The following KIAA2012 variants were observed in gnomAD, a reference collection of about 807,000 sequenced individuals.
The protein encoded by KIAA2012 is uncharacterized protein KIAA2012.
A neutral mutation model predicts 150.6 loss-of-function variants in KIAA2012; 125 were observed. That is an observed-to-expected ratio of 0.83 (90% CI 0.72 to 0.96). KIAA2012 has a LOEUF of 0.96. Among genes scored for constraint, KIAA2012 ranks in the 40% least tolerant of loss-of-function variants. The pLI is 0.00. For synonymous variants in KIAA2012, 462 were observed against 504.7 expected (o/e 0.92, Z 1.13); for missense variants, 1,219 against 1,354.9 (o/e 0.90, Z 1.57).
rs747472371 is a variant in KIAA2012, at chr2:202,097,583, A to AT, written c.828+9dup. On this transcript the variant is annotated splice_region_variant and intron_variant, in intron 5 of 23. Coordinates refer to ENST00000498697, the MANE Select transcript of KIAA2012 (RefSeq NM_001277372.4). ...AAGATGAAACGCAGGCAGAGGTACC[A>AT]TTTCTTTTTTTTTTTTTTTTCCCCG... is the stretch of plus-strand genomic sequence containing the variant. 2 of 1,497,282 alleles carry AT rather than the reference A, an allele frequency of 1.3e-6. No homozygotes were observed. Among genetic ancestry groups the AT allele is most frequent in the Non-Finnish European group, 8.8e-7 (1 of 1,132,266 alleles). The allele number at this position is 1,497,282 out of a possible 1,614,324, so 92.7% of individuals were successfully genotyped here.
At chr2:202,143,275 A>G (rs953229287) in intron 13 of KIAA2012, among the ~76,000 whole-genome samples, 1 of 151,700 alleles carries the variant, frequency 6.6e-6, no homozygotes, top group African/African-American at 2.4e-5. Flanking sequence ...TAGTAGAGAC[A>G]GGGTTTCACT....
chr2:202,160,500 A>G (rs989780404), intron 14 of KIAA2012, among the ~76,000 whole-genome samples: 4 of 151,936 alleles, frequency 2.6e-5, no homozygotes, highest in South Asian at 2.1e-4. Context: ...TTTTTAGTAC[A>G]GACGGGGTTT....
At chr2:202,144,704 T>C (rs941740042) in intron 13 of KIAA2012, among the ~76,000 whole-genome samples, 28 of 152,082 alleles carry the variant, frequency 1.8e-4, no homozygotes, top group African/African-American at 5.6e-4. Context: ...CAAAAATAAA[T>C]CAACAGGCCG....
chr2:202,138,345 T>G (rs1221130716), intron 12 of KIAA2012, 87 bp from the exon 13 acceptor site: 5 of 844,226 alleles, frequency 5.9e-6, no homozygotes, highest in Middle Eastern at 2.2e-4. Flanking sequence ...ATGAACTAGG[T>G]GTGTGTGTGT....
intron 12 of KIAA2012, among the ~76,000 whole-genome samples, chr2:202,132,558 G>T (rs35379387): frequency 0.3 from 44,724 of 150,524 alleles, 6,834 homozygotes; most frequent in South Asian, 0.33. Context: ...TCCCAGCTAC[G>T]CGGGAGGGGT....
At chr2:202,201,928 A>T (rs1484873506) in intron 22 of KIAA2012, 2 of 812,482 alleles carry the variant, frequency 2.5e-6, no homozygotes, top group Non-Finnish European at 4.2e-6. Flanking sequence ...AGGGACGGTT[A>T]TCTTTTCCGT....
chr2:202,192,454 CTT>C (rs71406952), intron 19 of KIAA2012, among the ~76,000 whole-genome samples: 11 of 120,332 alleles, frequency 9.1e-5, no homozygotes, highest in East Asian at 2.4e-4. Flanking sequence ...AAAATAGCTT[CTT>C]TTTTTTTTTT....
At chr2:202,084,491 A>C (rs747669423) in intron 2 of KIAA2012, among the ~76,000 whole-genome samples, 3 of 152,176 alleles carry the variant, frequency 2.0e-5, no homozygotes, top group African/African-American at 4.8e-5. Context: ...TGGAATGTGG[A>C]TAATAGGCCA....
intron 2 of KIAA2012, 111 bp downstream of exon 2, chr2:202,075,286 G>C (rs960310619): frequency 8.3e-6 from 10 of 1,206,686 alleles, no homozygotes; most frequent in Non-Finnish European, 1.0e-5. Flanking sequence ...GAAACTCTCA[G>C]AACTCTATTT....
chr2:202,105,527 C>T (rs12997625), intron 8 of KIAA2012, among the ~76,000 whole-genome samples: 64,169 of 152,006 alleles, frequency 0.42, 14,768 homozygotes, highest in South Asian at 0.56. Flanking sequence ...GAAATCACCC[C>T]GATTGACCAG....
intron 23 of KIAA2012, among the ~76,000 whole-genome samples, chr2:202,203,772 CTTT>C (rs34967234): frequency 2.1e-5 from 3 of 143,974 alleles, no homozygotes; most frequent in Non-Finnish European, 1.5e-5. Context: ...ACCAGGATGT[CTTT>C]TTTTTTTTTT....
intron 2 of KIAA2012, among the ~76,000 whole-genome samples, chr2:202,079,646 A>G (rs991625622): frequency 1.3e-5 from 2 of 152,244 alleles, no homozygotes; most frequent in Non-Finnish European, 2.9e-5. Context: ...ATAAATGTTA[A>G]GTCAAGAAAT....
rs190078152 is a variant in KIAA2012 at position 202,165,268 on chromosome 2, T to C, written c.2047-16T>C. On this transcript the variant is annotated splice_polypyrimidine_tract_variant and intron_variant, in intron 14 of 23. Transcript: ENST00000498697. ...ATTATGTCTAATGTATTCTTTGTTGTGTGTTAACCCAATAGGAAAGTGGAA... is the reference window on the plus strand; with the variant it reads ...ATTATGTCTAATGTATTCTTTGTTGCGTGTTAACCCAATAGGAAAGTGGAA... 589 of 1,548,818 alleles carry C rather than the reference T, an allele frequency of 3.8e-4. No individual in the cohort carries two copies. In the Middle Eastern group the frequency reaches 4.0e-3, roughly 11 times the overall value.
chr2:202,094,046 C>G (rs1184970865), intron 4 of KIAA2012, among the ~76,000 whole-genome samples: 1 of 152,134 alleles, frequency 6.6e-6, no homozygotes, highest in Non-Finnish European at 1.5e-5. Flanking sequence ...TTTTGGGAGG[C>G]CAAGGAGGGA....
intron 12 of KIAA2012, among the ~76,000 whole-genome samples, chr2:202,130,786 A>G (rs1690911668): frequency 6.6e-6 from 1 of 152,080 alleles, no homozygotes; most frequent in Non-Finnish European, 1.5e-5. Flanking sequence ...GCACAGTGGC[A>G]GGCACCTGTA....
At chr2:202,107,343 G>T (rs1235935375) in intron 9 of KIAA2012, among the ~76,000 whole-genome samples, 1 of 151,966 alleles carries the variant, frequency 6.6e-6, no homozygotes, top group African/African-American at 2.4e-5. Flanking sequence ...TGAGGCAGAG[G>T]CTTATTTGGT....
At chr2:202,152,509 A>G (rs1186601639) in intron 13 of KIAA2012, among the ~76,000 whole-genome samples, 1 of 152,178 alleles carries the variant, frequency 6.6e-6, no homozygotes, top group Non-Finnish European at 1.5e-5. Context: ...CTTGGGGATA[A>G]TGGAGAAATT....
chr2:202,101,392 C>T (rs778472241), intron 7 of KIAA2012, among the ~76,000 whole-genome samples: 1 of 152,214 alleles, frequency 6.6e-6, no homozygotes, highest in Non-Finnish European at 1.5e-5. Flanking sequence ...TCCCAGGTTC[C>T]TTTGGTGCAG....
intron 14 of KIAA2012, among the ~76,000 whole-genome samples, chr2:202,157,771 C>T (rs1691558817): frequency 6.6e-6 from 1 of 152,156 alleles, no homozygotes; most frequent in Admixed American, 6.5e-5. Context: ...GTTATAAAGC[C>T]TCACTGCAGC....
Sources: gnomAD v4.1 joint callset for allele counts (sites outside exome capture counted in the v4.1 genomes callset) on GRCh38, gnomAD v4.1.1 for gene constraint, MANE v1.5 for transcripts, NCBI Gene and HGNC (gene_info 2026-07-23, HGNC 2026-07-21) for gene names.